GLI4: variants seen among roughly 807,000 people sequenced by gnomAD.
GLI4 encodes the protein zinc finger protein GLI4.
Under a neutral mutation model 30.9 loss-of-function variants are expected in GLI4, and 34 were observed. That is an observed-to-expected ratio of 1.10 (90% confidence interval 0.84 to 1.47). GLI4 has a LOEUF of 1.47. Ranked by LOEUF, GLI4 falls within the 40% of genes most tolerant of loss-of-function variation. GLI4 has a pLI of 0.00. For missense variants in GLI4, 696 were observed against 538.9 expected, an observed-to-expected ratio of 1.29 and a Z score of -2.89; for synonymous variants, 277 against 236.7, an observed-to-expected ratio of 1.17 and a Z score of -1.56.
Position 143,267,497 on chromosome 8 carries a change from G to GGGCGGC in GLI4, c.-38+23_-38+28dup, listed in dbSNP as rs1164528149. On this transcript the variant is annotated intron_variant, in intron 1 of 3. Transcript: ENST00000340042. ...TCCCGCTCGGAAGGTGAGTGGGCGCGGGCGGCGGCGGCGGCTCCGGGTGCC... is the reference window on the plus strand; with the variant it reads ...TCCCGCTCGGAAGGTGAGTGGGCGCGGGCGGCGGCGGCGGCGGCGGCTCCGGGTGCC... 6.1e-6 allele frequency: 6 copies of GGGCGGC among 982,864 alleles called. No individual in the cohort carries two copies. The highest frequency in any genetic ancestry group is 3.5e-5 in the African/African-American group (2 of 57,288). The allele number at this position is 982,864 out of a possible 1,614,324, so 60.9% of individuals were successfully genotyped here.
In GLI4 at chr8:143,267,489, G is replaced by C. The variant is rs527693185; in HGVS notation, c.-38+5G>C. ...CGTCCTCCTCCCGCTCGGAAGGTGA[G>C]TGGGCGCGGGCGGCGGCGGCGGCTC... is the stretch of plus-strand genomic sequence containing the variant. On this transcript the variant is annotated splice_donor_5th_base_variant and intron_variant, in intron 1 of 3. Transcript: ENST00000340042. 2 of 986,266 alleles carry C rather than the reference G, an allele frequency of 2.0e-6. No individual in the cohort carries two copies. Among genetic ancestry groups the C allele is most frequent in the Admixed American group, 1.2e-4 (2 of 16,250 alleles). 61.1% of individuals were successfully genotyped at this position (986,266 alleles called of 1,614,324 possible).
chr8:143,269,048 TAGAC>T (rs1187546148), intron 1 of GLI4, among the ~76,000 whole-genome samples: 8 of 152,186 alleles, frequency 5.3e-5, no homozygotes, highest in South Asian at 4.1e-4. Context: ...TTCACCATAT[TAGAC>T]AGGCTGGTCT....
chr8:143,276,805 C>T lies in GLI4; in HGVS notation c.*1C>T, dbSNP rs74752188. On this transcript the variant is annotated 3_prime_UTR_variant, in exon 4 of 4. Transcript: ENST00000340042. ...CCAGCGGGTGCACTACCGCGAGTAG[C>T]CGGGCGGGGGCTCGGGGCTCGGCCT... The T allele has an allele frequency of 6.5e-7, 1 of 1,546,174 alleles. No individual in the cohort carries two copies. Among genetic ancestry groups the T allele is most frequent in the African/African-American group, 1.4e-5 (1 of 73,508 alleles).
Position 143,276,777 on chromosome 8 carries a change from G to C in GLI4, c.1104G>C (p.Gln368His). ...KAFGQSSQLI[Q>H]HQRVHYRE ...TCGGCCAGAGCTCCCAGCTCATCCA[G>C]CACCAGCGGGTGCACTACCGCGAGT... is the stretch of plus-strand genomic sequence containing the variant. Residue 368 changes from glutamine (Q) to histidine (H), a missense_variant, in exon 4 of 4, where the codon CAG (glutamine) becomes CAC (histidine). Transcript: ENST00000340042. 6.3e-7 allele frequency: 1 copy of C among 1,590,006 alleles called. No homozygotes were observed. Among genetic ancestry groups the C allele is most frequent in the Non-Finnish European group, 8.6e-7 (1 of 1,168,532 alleles).
Position 143,276,387 on chromosome 8 carries a change from C to T in GLI4, c.714C>T (p.Pro238=). The change falls in exon 4 of 4, where the codon CCC becomes CCT. Residue 238 remains proline (P), a synonymous_variant. Coordinates refer to ENST00000340042, the MANE Select transcript of GLI4 (RefSeq NM_138465.4). The part of the protein sequence containing the change: ...QHHRIHTGEK[P]YECGQCGRAF... Reference sequence around the variant, plus strand: ...ACCGCATCCACACGGGCGAGAAGCCCTACGAGTGCGGCCAGTGCGGCCGCG... The same window carrying T: ...ACCGCATCCACACGGGCGAGAAGCCTTACGAGTGCGGCCAGTGCGGCCGCG... 6.2e-7 allele frequency: 1 copy of T among 1,612,782 alleles called. No individual in the cohort carries two copies. The highest frequency in any genetic ancestry group is 8.5e-7 in the Non-Finnish European group (1 of 1,179,802).
rs964814642 is a variant in GLI4 at position 143,269,258 on chromosome 8, C to T, written c.-37-102C>T. The T allele has an allele frequency of 1.3e-5, 11 of 847,522 alleles. No homozygotes were observed. The Admixed American group carries it at 1.5e-4, about 12-fold the overall frequency. 52.5% of individuals were successfully genotyped at this position (847,522 alleles called of 1,614,324 possible). A position where few individuals can be genotyped will look rare whatever the true frequency, so the allele number is the denominator to read the frequency against. The stretch of plus-strand genomic sequence containing the variant: ...CCTTGCTCCTCCTGGAGTGGATAAA[C>T]CTCCATCTCCCCTTGGAGAGCTGGC... On this transcript the variant is annotated intron_variant, in intron 1 of 3. Coordinates refer to ENST00000340042, the MANE Select transcript of GLI4 (RefSeq NM_138465.4).
chr8:143,276,327 G>C lies in GLI4; in HGVS notation c.654G>C (p.Lys218Asn). 2 of 1,610,230 alleles carry C rather than the reference G, an allele frequency of 1.2e-6. No homozygotes were observed. The highest frequency in any genetic ancestry group is 8.5e-7 in the Non-Finnish European group (1 of 1,179,080). Residue 218 changes from lysine to asparagine, a missense_variant, in exon 4 of 4, where the codon AAG becomes AAC. Lys to Asn is a moderately conservative substitution (Grantham distance 94). Coordinates refer to ENST00000340042, the MANE Select transcript of GLI4 (RefSeq NM_138465.4). ...EKPYACHECGKRFRGWSGFIQ... is the reference protein window; with the variant it reads ...EKPYACHECGNRFRGWSGFIQ... ...CCTACGCCTGCCACGAGTGCGGCAA[G>C]CGCTTCCGCGGCTGGTCGGGCTTCA...
rs1458897117 is a variant in GLI4 at position 143,275,884 on chromosome 8, T to C, written c.224-13T>C. On this transcript the variant is annotated splice_polypyrimidine_tract_variant and intron_variant, in intron 3 of 3. Transcript: ENST00000340042. ...ATGCGGGTACTATCCGCCTCTGCCG[T>C]TTCTCATTTCAGACTCCGAGCCCAA... The C allele has an allele frequency of 7.8e-7, 1 of 1,280,444 alleles. No individual in the cohort carries two copies. Among genetic ancestry groups the C allele is most frequent in the African/African-American group, 1.5e-5 (1 of 65,066 alleles). 79.3% of individuals were successfully genotyped at this position (1,280,444 alleles called of 1,614,324 possible).
rs374809776 is a variant in GLI4 at position 143,274,763 on chromosome 8, G to A, written c.184G>A (p.Val62Ile). ...SQPSDLDLQD[V>I]EEVEIGRDTF... The stretch of plus-strand genomic sequence containing the variant: ...GCCGTCCGACCTGGATCTCCAAGAC[G>A]TAGAGGAAGTGGAGATCGGCAGAGA... Residue 62 changes from valine to isoleucine, a missense_variant, in exon 3 of 4, where the codon GTA (valine) becomes ATA (isoleucine). Physicochemically the swap from Val to Ile is conservative, Grantham distance 29 (BLOSUM62 3). Transcript: ENST00000340042. 5.2e-5 allele frequency: 82 copies of A among 1,571,140 alleles called. 2 individuals are homozygous for A. In the South Asian group the frequency reaches 7.1e-4, roughly 14 times the overall value.
chr8:143,268,283 G>C (rs138167743), intron 1 of GLI4, among the ~76,000 whole-genome samples: 36 of 152,324 alleles, frequency 2.4e-4, no homozygotes, highest in African/African-American at 7.7e-4. Context: ...ACTGTCTGCT[G>C]TTCTTAGATC....
intron 2 of GLI4, among the ~76,000 whole-genome samples, chr8:143,269,752 A>G (rs1815224549): frequency 6.6e-6 from 1 of 152,226 alleles, no homozygotes; most frequent in Non-Finnish European, 1.5e-5. Flanking sequence ...CTCGCTCCCT[A>G]GGGACAGCTC....
At position 143,269,501 on chromosome 8, in the gene GLI4, C is replaced by T. The variant is rs1815218434; in HGVS notation, c.105C>T (p.His35=). ...PGTQHHEPQL[H]LHGHQHGSPG... The stretch of plus-strand genomic sequence containing the variant: ...CCCAGCACCACGAGCCTCAGCTTCA[C>T]CTCCATGGGCATCAACATGGTACTC... The change falls in exon 2 of 4, where the codon CAC becomes CAT. Residue 35 remains histidine (H), a synonymous_variant. Transcript: ENST00000340042. 1.2e-6 allele frequency: 2 copies of T among 1,613,080 alleles called. No individual in the cohort carries two copies. Among genetic ancestry groups the T allele is most frequent in the Non-Finnish European group, 1.7e-6 (2 of 1,179,524 alleles).
At chr8:143,270,206 A>G (rs1413021076) in intron 2 of GLI4, among the ~76,000 whole-genome samples, 1 of 152,258 alleles carries the variant, frequency 6.6e-6, no homozygotes, top group African/African-American at 2.4e-5. Flanking sequence ...TGCCTGGCCC[A>G]GGAATGGGGG....
intron 1 of GLI4, 48 bp downstream of exon 1, chr8:143,267,532 C>G: frequency 1.0e-6 from 1 of 985,938 alleles, no homozygotes; most frequent in Non-Finnish European, 1.2e-6. Flanking sequence ...CTGGGACCAG[C>G]CCAGTCCGAG....
chr8:143,267,525 G>T (rs1483282718), intron 1 of GLI4, 41 bp downstream of exon 1: 69 of 986,198 alleles, frequency 7.0e-5, no homozygotes, highest in South Asian at 4.6e-5. Context: ...CGGGTGCCTG[G>T]GACCAGCCCA....
rs1302940018 is a variant in GLI4, at chr8:143,276,298, A to G, written c.625A>G (p.Lys209Glu). ...GCACCAGCGCATCCACACGGGCGAG[A>G]AGCCCTACGCCTGCCACGAGTGCGG... The part of the protein sequence containing the change: ...LKHQRIHTGE[K>E]PYACHECGKR... Residue 209 changes from lysine to glutamate, a missense_variant, in exon 4 of 4, where the codon AAG becomes GAG. Physicochemically the swap from Lys to Glu is moderately conservative, Grantham distance 56. Coordinates refer to ENST00000340042, the MANE Select transcript of GLI4 (RefSeq NM_138465.4). 4 of 1,611,690 alleles carry G rather than the reference A, an allele frequency of 2.5e-6. No homozygotes were observed. The highest frequency in any genetic ancestry group is 2.5e-6 in the Non-Finnish European group (3 of 1,179,498).
rs773159091 is a variant in GLI4 at position 143,276,568 on chromosome 8, C to T, written c.895C>T (p.Gln299Ter). The T allele has an allele frequency of 3.1e-6, 5 of 1,609,546 alleles. No individual in the cohort carries two copies. The highest frequency in any genetic ancestry group is 4.2e-6 in the Non-Finnish European group (5 of 1,178,824). Reference protein sequence around the residue: ...HTGEKPYACSQCGKAFIWSSV... With the variant: ...HTGEKPYACS ...GGGTGAGAAGCCCTACGCCTGCAGC[C>T]AGTGCGGCAAGGCCTTCATCTGGAG... Residue 299 changes from glutamine to a stop codon, truncating the protein, a stop_gained, in exon 4 of 4, where the codon CAG becomes TAG. Coordinates refer to ENST00000340042, the MANE Select transcript of GLI4 (RefSeq NM_138465.4). LOFTEE classifies it high-confidence loss of function.
Position 143,276,143 on chromosome 8 carries a change from G to C in GLI4, c.470G>C (p.Gly157Ala). Residue 157 changes from glycine (G) to alanine (A), a missense_variant, in exon 4 of 4, where the codon GGT becomes GCT. Coordinates refer to ENST00000340042, the MANE Select transcript of GLI4 (RefSeq NM_138465.4). ...CAGCAAGCAGCGGCCGGGCCCGAGG[G>C]TGCGCCCGAGCGGGCTGCCGAGCTG... ...LVQQAAAGPE[G>A]APERAAELGV... is the part of the protein sequence containing the mutation. 1.3e-6 allele frequency: 2 copies of C among 1,544,876 alleles called. No homozygotes were observed. Among genetic ancestry groups the C allele is most frequent in the Non-Finnish European group, 1.7e-6 (2 of 1,145,210 alleles).
chr8:143,274,137 C>T (rs117122482), intron 2 of GLI4, among the ~76,000 whole-genome samples: 793 of 152,318 alleles, frequency 5.2e-3, no homozygotes, highest in Non-Finnish European at 8.2e-3. Flanking sequence ...GGGCCCAGCC[C>T]ATTCCTCAGG....
Sources: gnomAD v4.1 joint callset for allele counts (sites outside exome capture counted in the v4.1 genomes callset) on GRCh38, gnomAD v4.1.1 for gene constraint, MANE v1.5 for transcripts, NCBI Gene and HGNC (gene_info 2026-07-23, HGNC 2026-07-21) for gene names.